HS3ST4: variants seen among roughly 807,000 people sequenced by gnomAD.
HS3ST4 encodes the protein heparan sulfate glucosamine 3-O-sulfotransferase 4.
A neutral mutation model predicts 29.2 loss-of-function variants in HS3ST4; 17 were observed. The ratio of observed to expected loss-of-function variants is 0.58; its 90% CI spans 0.40 to 0.87. The LOEUF (loss-of-function observed/expected upper bound fraction) is 0.87, where lower values mean the gene tolerates loss of function less well. HS3ST4 is among the 40% of genes least tolerant of loss of function. The pLI is 0.00. For synonymous variants in HS3ST4, 314 were observed against 285.7 expected, an observed-to-expected ratio of 1.10 and a Z score of -1.00; for missense variants, 627 against 634.5, an observed-to-expected ratio of 0.99 and a Z score of 0.13.
At chr16:25,919,547 C>CG (rs1336433489) in intron 1 of HS3ST4, among the ~76,000 whole-genome samples, 1 of 151,842 alleles carries the variant, frequency 6.6e-6, no homozygotes, top group Admixed American at 6.6e-5. Context: ...GTATTGTAAG[C>CG]GGGGGGACTT....
At chr16:25,803,609 T>G (rs1329946219) in intron 1 of HS3ST4, among the ~76,000 whole-genome samples, 2 of 152,206 alleles carry the variant, frequency 1.3e-5, no homozygotes, top group Non-Finnish European at 2.9e-5. Flanking sequence ...TAGTTTTTCA[T>G]GAGAAGTAAA....
Position 25,964,687 on chromosome 16 carries a change from G to A in HS3ST4, c.735-170925G>A, listed in dbSNP as rs192329816. On this transcript the variant is annotated intron_variant, in intron 1 of 1. Transcript: ENST00000331351. ...CTGTGAATCCTGCCGCTCAGTTAAG[G>A]ACAATTAATCAGTACAATGATTCTT... is the stretch of plus-strand genomic sequence containing the variant. 8.5e-5 allele frequency among the ~76,000 whole-genome samples: 13 copies of A among 152,292 alleles called. No homozygotes were observed. The East Asian group carries it at 1.2e-3, about 14-fold the overall frequency.
At chr16:25,959,432 A>G (rs1015408586) in intron 1 of HS3ST4, among the ~76,000 whole-genome samples, 1 of 152,136 alleles carries the variant, frequency 6.6e-6, no homozygotes, top group Non-Finnish European at 1.5e-5. Flanking sequence ...TCATAACTAC[A>G]TCTCTGTCCA....
intron 1 of HS3ST4, among the ~76,000 whole-genome samples, chr16:25,951,723 T>G (rs955130028): frequency 1.3e-5 from 2 of 152,188 alleles, no homozygotes; most frequent in Non-Finnish European, 2.9e-5. Context: ...TGCCATATCC[T>G]TTAGCATCTT....
intron 1 of HS3ST4, among the ~76,000 whole-genome samples, chr16:25,943,296 A>C (rs1968592177): frequency 6.6e-6 from 1 of 152,242 alleles, no homozygotes; most frequent in African/African-American, 2.4e-5. Context: ...CATTGAATCC[A>C]GGAAATATGG....
intron 1 of HS3ST4, among the ~76,000 whole-genome samples, chr16:26,057,286 T>C (rs1898420908): frequency 6.6e-6 from 1 of 152,200 alleles, no homozygotes. Context: ...CAAGATTCTC[T>C]GCTAAAGAGG....
At chr16:25,994,349 T>G (rs1431762557) in intron 1 of HS3ST4, among the ~76,000 whole-genome samples, 1 of 152,164 alleles carries the variant, frequency 6.6e-6, no homozygotes, top group Non-Finnish European at 1.5e-5. Context: ...TCCTTTAGAT[T>G]TATTTTTTCT....
intron 1 of HS3ST4, among the ~76,000 whole-genome samples, chr16:25,767,625 C>T (rs1261537162): frequency 2.6e-5 from 4 of 152,074 alleles, no homozygotes; most frequent in African/African-American, 4.8e-5. Flanking sequence ...AGGTACAGGC[C>T]ATTTTGGACC....
At chr16:25,910,861 GA>G (rs1968232293) in intron 1 of HS3ST4, among the ~76,000 whole-genome samples, 1 of 152,044 alleles carries the variant, frequency 6.6e-6, no homozygotes, top group South Asian at 2.1e-4. Flanking sequence ...GGTCAGACGG[GA>G]CAGCCTAGGA....
At chr16:26,007,183 G>A (rs1969266443) in intron 1 of HS3ST4, among the ~76,000 whole-genome samples, 1 of 152,224 alleles carries the variant, frequency 6.6e-6, no homozygotes, top group Non-Finnish European at 1.5e-5. Flanking sequence ...GAACTAATTA[G>A]TAGTTGCCCC....
At chr16:26,034,674 G>A (rs1015381702) in intron 1 of HS3ST4, among the ~76,000 whole-genome samples, 1 of 150,522 alleles carries the variant, frequency 6.6e-6, no homozygotes, top group African/African-American at 2.4e-5. Flanking sequence ...GGGGCGGGGG[G>A]GGGTCTCACC....
chr16:25,799,125 G>C (rs1428183027), intron 1 of HS3ST4, among the ~76,000 whole-genome samples: 1 of 152,288 alleles, frequency 6.6e-6, no homozygotes, highest in Non-Finnish European at 1.5e-5. Flanking sequence ...CTGGAAGTTT[G>C]AGCTAAAATT....
chr16:26,037,006 C>T (rs1353859246), intron 1 of HS3ST4, among the ~76,000 whole-genome samples: 1 of 152,176 alleles, frequency 6.6e-6, no homozygotes, highest in Non-Finnish European at 1.5e-5. Context: ...CCTTCAACCC[C>T]TCCATGACTT....
chr16:26,085,726 T>C (rs1279783373), intron 1 of HS3ST4, among the ~76,000 whole-genome samples: 4 of 151,922 alleles, frequency 2.6e-5, no homozygotes, highest in African/African-American at 4.8e-5. Flanking sequence ...TTTTAAAAAT[T>C]AGCTGTGCAT....
chr16:25,895,851 T>C (rs1046267348), intron 1 of HS3ST4, among the ~76,000 whole-genome samples: 34 of 152,160 alleles, frequency 2.2e-4, no homozygotes, highest in Non-Finnish European at 7.3e-5. Context: ...CCTCATCTTC[T>C]GACAACACTA....
intron 1 of HS3ST4, among the ~76,000 whole-genome samples, chr16:25,947,257 A>G (rs1968635735): frequency 6.6e-6 from 1 of 152,326 alleles, no homozygotes; most frequent in South Asian, 2.1e-4. Flanking sequence ...ATGACCCAAT[A>G]TGGCTAATGT....
At chr16:25,900,765 C>T (rs1299838524) in intron 1 of HS3ST4, among the ~76,000 whole-genome samples, 1 of 152,090 alleles carries the variant, frequency 6.6e-6, no homozygotes, top group East Asian at 1.9e-4. Flanking sequence ...CCCCAAACTC[C>T]CGGCACTGTA....
Position 25,878,477 on chromosome 16 carries a change from T to A in HS3ST4, c.734+185326T>A, listed in dbSNP as rs560218329. Among the ~76,000 whole-genome samples the A allele has an allele frequency of 3.9e-5, 6 of 152,186 alleles. No homozygotes were observed. In the East Asian group the frequency reaches 5.8e-4, roughly 15 times the overall value. On this transcript the variant is annotated intron_variant, in intron 1 of 1. Transcript: ENST00000331351. ...AATGAAAAGCAAAGCAGAACAGAAA[T>A]CTCACCTCCATTGCTCTAGAATTCT...
At chr16:25,702,318 C>T (rs1966339540) in intron 1 of HS3ST4, among the ~76,000 whole-genome samples, 1 of 152,074 alleles carries the variant, frequency 6.6e-6, no homozygotes, top group Admixed American at 6.6e-5. Context: ...TTATAGATTT[C>T]CTATATGCCT....
Sources: allele counts gnomAD v4.1 joint callset (sites outside exome capture counted in the v4.1 genomes callset), GRCh38; gene constraint gnomAD v4.1.1; transcripts MANE v1.5; gene names NCBI Gene and HGNC (gene_info 2026-07-23, HGNC 2026-07-21).